The following PFKFB4 variants were observed in gnomAD, a reference collection of about 807,000 sequenced individuals.
The protein encoded by PFKFB4 is 6-phosphofructo-2-kinase/fructose-2,6-biphosphatase 4.
In PFKFB4, 42 loss-of-function variants were observed where a neutral mutation model predicts 62.8. That is an observed-to-expected ratio of 0.67 (90% CI 0.52 to 0.86). PFKFB4 has a LOEUF of 0.86. Among genes scored for constraint, PFKFB4 ranks in the 40% least tolerant of loss-of-function variants. The probability of loss-of-function intolerance (pLI) is 0.00; values close to 1 mark genes in which losing one functional copy is unlikely to be tolerated. For missense variants in PFKFB4, 475 were observed against 627.2 expected, an observed-to-expected ratio of 0.76 and a Z score of 2.59; for synonymous variants, 204 against 240.7, an observed-to-expected ratio of 0.85 and a Z score of 1.41.
At position 48,540,808 on chromosome 3, in the gene PFKFB4, T is replaced by A. The variant is rs1378672083; in HGVS notation, c.379-1037A>T. On this transcript the variant is annotated intron_variant, in intron 4 of 13. Transcript: ENST00000232375. ...TTTTTTTTTTGAGACAGAGTCTTGC[T>A]CTGTCGCCCAGGCTGCAGTGCAGTG... is the stretch of plus-strand genomic sequence containing the variant. Among the ~76,000 whole-genome samples, 8 of 150,270 alleles carry A rather than the reference T, an allele frequency of 5.3e-5. No homozygotes were observed. The East Asian group carries it at 9.8e-4, about 18-fold the overall frequency.
chr3:48,544,480 C>T (rs892049010), intron 3 of PFKFB4, among the ~76,000 whole-genome samples: 1 of 141,268 alleles, frequency 7.1e-6, no homozygotes, highest in African/African-American at 2.7e-5. Context: ...TAAGGTCTCG[C>T]TCTGCCACCT....
chr3:48,529,228 A>G (rs1560156051), intron 9 of PFKFB4, among the ~76,000 whole-genome samples: 1 of 152,030 alleles, frequency 6.6e-6, no homozygotes, highest in Admixed American at 6.6e-5. Context: ...AAATGGGTGA[A>G]TTCTATGGTA....
At chr3:48,523,095 C>T (rs532345132) in intron 12 of PFKFB4, among the ~76,000 whole-genome samples, 12 of 151,296 alleles carry the variant, frequency 7.9e-5, no homozygotes, top group African/African-American at 2.7e-4. Context: ...ATTAGGGCCG[C>T]AGATGGTAGC....
chr3:48,529,024 T>C (rs2042349985), intron 9 of PFKFB4, among the ~76,000 whole-genome samples: 1 of 149,488 alleles, frequency 6.7e-6, no homozygotes, highest in African/African-American at 2.5e-5. Flanking sequence ...TGTATACTTA[T>C]TTATTTATTT....
chr3:48,532,762 G>A (rs778752371), intron 9 of PFKFB4, among the ~76,000 whole-genome samples: 5 of 152,122 alleles, frequency 3.3e-5, no homozygotes, highest in Non-Finnish European at 5.9e-5. Context: ...CAAGAGAATC[G>A]TTGAGTCTAG....
At chr3:48,539,209 C>T (rs1261956225) in intron 6 of PFKFB4, 45 bp downstream of exon 6, 1 of 1,464,680 alleles carries the variant, frequency 6.8e-7, no homozygotes, top group Non-Finnish European at 9.6e-7. Flanking sequence ...AAAGGGATGT[C>T]CCTGTCACAC....
At chr3:48,528,479 T>C (rs1166180264) in intron 9 of PFKFB4, among the ~76,000 whole-genome samples, 1 of 151,978 alleles carries the variant, frequency 6.6e-6, no homozygotes, top group Non-Finnish European at 1.5e-5. Flanking sequence ...CTGGGCAACA[T>C]GATGAAACCC....
upstream of PFKFB4, among the ~76,000 whole-genome samples, chr3:48,557,652 T>G (rs1197726710): frequency 1.3e-5 from 2 of 152,130 alleles, no homozygotes; most frequent in Non-Finnish European, 2.9e-5. Context: ...TGCTCCTGCC[T>G]CGGGTTCCCA....
intron 7 of PFKFB4, among the ~76,000 whole-genome samples, chr3:48,537,755 G>C (rs1389594695): frequency 6.6e-6 from 1 of 151,642 alleles, no homozygotes; most frequent in African/African-American, 2.4e-5. Flanking sequence ...AAAATCCTAG[G>C]CTCATGCAAT....
intron 4 of PFKFB4, among the ~76,000 whole-genome samples, chr3:48,540,664 T>C (rs1419149407): frequency 6.6e-6 from 1 of 151,972 alleles, no homozygotes; most frequent in Non-Finnish European, 1.5e-5. Context: ...GGCTGGAGCG[T>C]AGTGGAGCAA....
chr3:48,556,073 G>C lies in PFKFB4; in HGVS notation c.97+608C>G, dbSNP rs145383101. On this transcript the variant is annotated intron_variant, in intron 1 of 13. Coordinates refer to ENST00000232375, the MANE Select transcript of PFKFB4 (RefSeq NM_004567.4). This position sits in a 1 kb window ranked among gnomAD's most constrained non-coding sequence, Gnocchi z 5.7. ...GTTTTACTGTACACCCATGACCCCA[G>C]GTGGATACTTACATGTCCCGGGACA... The C allele has an allele frequency of 4.4e-6, 2 of 456,712 alleles. No homozygotes were observed. The highest frequency in any genetic ancestry group is 2.0e-5 in the African/African-American group (1 of 50,184). The allele number at this position is 456,712 out of a possible 1,614,324, so 28.3% of individuals were successfully genotyped here. A position where few individuals can be genotyped will look rare whatever the true frequency, so the allele number is the denominator to read the frequency against.
intron 7 of PFKFB4, among the ~76,000 whole-genome samples, chr3:48,537,340 G>A (rs568523292): frequency 6.6e-6 from 1 of 152,166 alleles, no homozygotes; most frequent in East Asian, 1.9e-4. Flanking sequence ...ACAGAACCAT[G>A]AAGAGAAATG....
intron 4 of PFKFB4, among the ~76,000 whole-genome samples, chr3:48,542,164 C>A (rs1352769736): frequency 6.6e-6 from 1 of 151,732 alleles, no homozygotes; most frequent in Non-Finnish European, 1.5e-5. Flanking sequence ...GAAACCCCAT[C>A]TCTACTAAAA....
chr3:48,553,933 A>C (rs2043232893), intron 1 of PFKFB4, among the ~76,000 whole-genome samples: 1 of 152,100 alleles, frequency 6.6e-6, no homozygotes, highest in South Asian at 2.1e-4. Flanking sequence ...GTCCTTCTTG[A>C]GTCAGCTCTT....
upstream of PFKFB4, among the ~76,000 whole-genome samples, chr3:48,557,280 C>T (rs1415019610): frequency 6.6e-6 from 1 of 152,184 alleles, no homozygotes; most frequent in African/African-American, 2.4e-5. Context: ...TGGGACGAGG[C>T]CTACGTGACC....
chr3:48,557,100 C>T, upstream of PFKFB4: 1 of 605,020 alleles, frequency 1.7e-6, no homozygotes. Context: ...TTGTGCAGGC[C>T]CGCCCCGGAT....
At chr3:48,546,042 A>T (rs1212629074) in intron 3 of PFKFB4, among the ~76,000 whole-genome samples, 4 of 151,714 alleles carry the variant, frequency 2.6e-5, no homozygotes, top group African/African-American at 7.3e-5. Flanking sequence ...TGTATAAGAG[A>T]GTGCAAATGG....
At chr3:48,540,592 A>G (rs1454819710) in intron 4 of PFKFB4, among the ~76,000 whole-genome samples, 1 of 152,082 alleles carries the variant, frequency 6.6e-6, no homozygotes, top group Admixed American at 6.6e-5. Context: ...CGGTTACAGC[A>G]TCATTTTTTT....
At chr3:48,554,919 G>A (rs1389302680) in intron 1 of PFKFB4, among the ~76,000 whole-genome samples, 3 of 151,956 alleles carry the variant, frequency 2.0e-5, no homozygotes, top group Non-Finnish European at 4.4e-5. Flanking sequence ...CCATGGTGGC[G>A]CATACCTGTA....
Sources: allele counts gnomAD v4.1 joint callset (sites outside exome capture counted in the v4.1 genomes callset), GRCh38; gene constraint gnomAD v4.1.1; non-coding constraint Gnocchi (gnomAD v3.1); transcripts MANE v1.5; gene names NCBI Gene and HGNC (gene_info 2026-07-23, HGNC 2026-07-21).